MACROD2: variants seen among roughly 807,000 people sequenced by gnomAD.
MACROD2 encodes mono-ADP ribosylhydrolase 2.
MACROD2 carries 36 observed loss-of-function variants against 70.4 expected under a neutral mutation model. The ratio of observed to expected loss-of-function variants is 0.51; its 90% CI spans 0.39 to 0.68. The LOEUF (loss-of-function observed/expected upper bound fraction) is 0.68, where lower values mean the gene tolerates loss of function less well. Ranked by LOEUF, MACROD2 falls within the 30% of genes least tolerant of loss-of-function variation. The probability of loss-of-function intolerance (pLI) is 0.00; values close to 1 mark genes in which losing one functional copy is unlikely to be tolerated. For synonymous variants in MACROD2, 172 were observed against 178.8 expected (o/e 0.96, Z 0.30); for missense variants, 496 against 538.4 (o/e 0.92, Z 0.78).
intron 3 of MACROD2, among the ~76,000 whole-genome samples, chr20:14,270,948 C>T (rs1052980591): frequency 7.9e-5 from 12 of 152,188 alleles, no homozygotes; most frequent in African/African-American, 1.9e-4. Context: ...GAGGAGCGCC[C>T]GCCATTGCCC....
chr20:15,595,587 T>C (rs1010682977), intron 8 of MACROD2, among the ~76,000 whole-genome samples: 40 of 152,232 alleles, frequency 2.6e-4, no homozygotes, highest in African/African-American at 9.2e-4. Context: ...AATGCAGCTA[T>C]CAAGAACTTG....
At chr20:15,653,880 T>C (rs886380111) in intron 8 of MACROD2, among the ~76,000 whole-genome samples, 2 of 152,166 alleles carry the variant, frequency 1.3e-5, no homozygotes, top group Non-Finnish European at 2.9e-5. Context: ...AATTAGGGGC[T>C]GGAATTTAGG....
chr20:14,003,276 G>A (rs1015556630), intron 2 of MACROD2, among the ~76,000 whole-genome samples: 1 of 152,178 alleles, frequency 6.6e-6, no homozygotes, highest in African/African-American at 2.4e-5. Context: ...TTAGGCCTTG[G>A]TGTCTGTGAA....
At chr20:15,896,072 A>T (rs554312534) in intron 10 of MACROD2, among the ~76,000 whole-genome samples, 54 of 152,364 alleles carry the variant, frequency 3.5e-4, no homozygotes, top group Non-Finnish European at 6.8e-4. Flanking sequence ...GAAATCTGGT[A>T]TCACTGGAAG....
intron 3 of MACROD2, among the ~76,000 whole-genome samples, chr20:14,334,358 A>G (rs1168855548): frequency 2.0e-5 from 3 of 152,176 alleles, no homozygotes; most frequent in Non-Finnish European, 4.4e-5. Flanking sequence ...CAGAAGACCA[A>G]CTCTTTGTTG....
intron 3 of MACROD2, among the ~76,000 whole-genome samples, chr20:14,250,828 T>A (rs960700090): frequency 6.6e-6 from 1 of 152,012 alleles, no homozygotes; most frequent in Non-Finnish European, 1.5e-5. Flanking sequence ...AAAAATGCAA[T>A]AATAGGTATA....
intron 3 of MACROD2, among the ~76,000 whole-genome samples, chr20:14,321,549 G>A (rs184451106): frequency 2.0e-5 from 3 of 152,302 alleles, no homozygotes; most frequent in Admixed American, 1.3e-4. Context: ...TGTTAATCAT[G>A]CTAAGAAGGA....
At chr20:14,693,093 G>A (rs539494278) in intron 5 of MACROD2, among the ~76,000 whole-genome samples, 1 of 152,246 alleles carries the variant, frequency 6.6e-6, no homozygotes, top group African/African-American at 2.4e-5. Context: ...AAATAACAGT[G>A]TAAATCAATT....
chr20:15,754,440 T>C (rs1288757885), intron 8 of MACROD2, among the ~76,000 whole-genome samples: 2 of 152,084 alleles, frequency 1.3e-5, no homozygotes, highest in African/African-American at 4.8e-5. Context: ...CTGGCCAACA[T>C]GGTGAAACCC....
At chr20:15,479,265 C>CTCTT (rs1555826773) in intron 7 of MACROD2, among the ~76,000 whole-genome samples, 1 of 87,772 alleles carries the variant, frequency 1.1e-5, no homozygotes, top group Admixed American at 1.3e-4. Flanking sequence ...TTCTCGCTCT[C>CTCTT]TTTTTTTTTT....
At chr20:14,969,431 G>A (rs1196022177) in intron 5 of MACROD2, among the ~76,000 whole-genome samples, 2 of 148,646 alleles carry the variant, frequency 1.3e-5, no homozygotes, top group South Asian at 2.2e-4. Flanking sequence ...GCACAGATTT[G>A]ATGAAACTCC....
At chr20:15,679,176 G>T (rs1293947114) in intron 8 of MACROD2, among the ~76,000 whole-genome samples, 1 of 150,698 alleles carries the variant, frequency 6.6e-6, no homozygotes, top group Non-Finnish European at 1.5e-5. Flanking sequence ...GGTGGAGGTT[G>T]CAGTGAGCTG....
At chr20:14,074,903 G>C (rs1370355668) in intron 2 of MACROD2, among the ~76,000 whole-genome samples, 1 of 152,162 alleles carries the variant, frequency 6.6e-6, no homozygotes, top group African/African-American at 2.4e-5. Context: ...GAACTCTTGT[G>C]CTATCTACTC....
intron 3 of MACROD2, among the ~76,000 whole-genome samples, chr20:14,110,400 CAAAT>C (rs1008985660): frequency 2.6e-5 from 4 of 151,624 alleles, no homozygotes; most frequent in Admixed American, 6.6e-5. Context: ...ACAAGAGAAA[CAAAT>C]AAAGGGCTTC....
At chr20:14,755,564 A>G (rs1270386419) in intron 5 of MACROD2, among the ~76,000 whole-genome samples, 1 of 152,100 alleles carries the variant, frequency 6.6e-6, no homozygotes, top group Non-Finnish European at 1.5e-5. Flanking sequence ...TCTACCAAGA[A>G]AAGATAACTT....
intron 2 of MACROD2, among the ~76,000 whole-genome samples, chr20:14,010,037 G>C (rs2052880272): frequency 6.6e-6 from 1 of 152,070 alleles, no homozygotes; most frequent in African/African-American, 2.4e-5. Flanking sequence ...TCAATACTTA[G>C]GTGATGGGTT....
chr20:14,625,121 G>A (rs1445733969), intron 4 of MACROD2, among the ~76,000 whole-genome samples: 5 of 151,960 alleles, frequency 3.3e-5, no homozygotes, highest in African/African-American at 1.2e-4. Context: ...CCTGAGGTCA[G>A]GAGTTTGAGA....
rs557907668 is a variant in MACROD2, at chr20:16,046,675, CTTTTTTTTT to C, written c.1300+2051_1300+2059del. Reference sequence around the variant, plus strand: ...AACCCAAATGAATCAGGTGTCAAAACTTTTTTTTTTTTTTTTTTTTTTTGAGACAGAGTC... The same window carrying C: ...AACCCAAATGAATCAGGTGTCAAAACTTTTTTTTTTTTTTGAGACAGAGTC... On this transcript the variant is annotated intron_variant, in intron 17 of 17. Coordinates refer to ENST00000684519, the MANE Select transcript of MACROD2 (RefSeq NM_001351661.2). Among the ~76,000 whole-genome samples the C allele has an allele frequency of 1.1e-4, 9 of 85,504 alleles. No homozygotes were observed. In the East Asian group the frequency reaches 2.5e-3, roughly 24 times the overall value. The allele number at this position is 85,504 out of a possible 152,430, so 56.1% of individuals were successfully genotyped here. A position where few individuals can be genotyped will look rare whatever the true frequency, so the allele number is the denominator to read the frequency against.
At chr20:15,909,969 CTGAG>C (rs2065211617) in intron 10 of MACROD2, among the ~76,000 whole-genome samples, 1 of 152,104 alleles carries the variant, frequency 6.6e-6, no homozygotes, top group African/African-American at 2.4e-5. Flanking sequence ...CTCAGGATTT[CTGAG>C]TGAGAAGATC....
Sources: allele counts gnomAD v4.1 joint callset (sites outside exome capture counted in the v4.1 genomes callset), GRCh38; gene constraint gnomAD v4.1.1; transcripts MANE v1.5; gene names NCBI Gene and HGNC (gene_info 2026-07-23, HGNC 2026-07-21).